Variants in SLC24A3 observed in about 807,000 individuals in gnomAD.
SLC24A3 encodes the protein solute carrier family 24 member 3.
Under a neutral mutation model 75.8 loss-of-function variants are expected in SLC24A3, and 28 were observed. That is an observed-to-expected ratio of 0.37 (90% CI 0.27 to 0.51). The LOEUF (loss-of-function observed/expected upper bound fraction) is 0.51. SLC24A3 is among the 20% of genes least tolerant of loss of function. SLC24A3 has a pLI of 0.94. For missense variants in SLC24A3, 663 were observed against 847.8 expected (o/e 0.78, Z 2.71); for synonymous variants, 372 against 334.1 (o/e 1.11, Z -1.24).
chr20:19,450,497 C>T (rs892955701), intron 2 of SLC24A3, among the ~76,000 whole-genome samples: 2 of 152,128 alleles, frequency 1.3e-5, no homozygotes, highest in African/African-American at 2.4e-5. Context: ...TGCAACGTCA[C>T]GTGTCATGTT....
intron 2 of SLC24A3, among the ~76,000 whole-genome samples, chr20:19,307,290 A>AC (rs535701934): frequency 6.3e-4 from 96 of 152,050 alleles, no homozygotes; most frequent in Middle Eastern, 3.4e-3. Context: ...ATCAATGGTC[A>AC]CCCCCCTTTG....
At chr20:19,298,908 G>A (rs1984125428) in intron 2 of SLC24A3, among the ~76,000 whole-genome samples, 1 of 152,180 alleles carries the variant, frequency 6.6e-6, no homozygotes, top group Non-Finnish European at 1.5e-5. Context: ...CATGGGTTGG[G>A]GGCTGTTCCC....
intron 2 of SLC24A3, among the ~76,000 whole-genome samples, chr20:19,372,470 A>G (rs555929204): frequency 6.6e-6 from 1 of 152,302 alleles, no homozygotes; most frequent in African/African-American, 2.4e-5. Context: ...AAATTGAAAA[A>G]CAGGAGAAAA....
chr20:19,290,520 A>C (rs1453011726), intron 2 of SLC24A3, among the ~76,000 whole-genome samples: 3 of 152,184 alleles, frequency 2.0e-5, no homozygotes, highest in Non-Finnish European at 4.4e-5. Context: ...GTGAGGCTAG[A>C]GTGAGAAAAT....
At chr20:19,420,584 C>A (rs1986901421) in intron 2 of SLC24A3, among the ~76,000 whole-genome samples, 1 of 100,480 alleles carries the variant, frequency 1.0e-5, no homozygotes, top group Non-Finnish European at 1.9e-5. Context: ...TGAAAATGGC[C>A]ATACTGCCAT....
At chr20:19,577,115 C>T (rs57365002) in intron 3 of SLC24A3, among the ~76,000 whole-genome samples, 4,823 of 151,340 alleles carry the variant, frequency 0.032, 130 homozygotes, top group South Asian at 0.091. Context: ...AGTGCAGTGG[C>T]GCGATCTCGG....
intron 1 of SLC24A3, among the ~76,000 whole-genome samples, chr20:19,275,114 A>C (rs1427287449): frequency 6.6e-6 from 1 of 152,230 alleles, no homozygotes; most frequent in Admixed American, 6.5e-5. Context: ...GTTTTCAAAA[A>C]GAAAAGCAGT....
intron 1 of SLC24A3, among the ~76,000 whole-genome samples, chr20:19,214,285 T>A (rs899162089): frequency 5.9e-5 from 9 of 152,128 alleles, no homozygotes; most frequent in African/African-American, 1.9e-4. Context: ...GGATCTCAGA[T>A]CCCGTAGCCT....
At chr20:19,228,499 C>T (rs1028095109) in intron 1 of SLC24A3, among the ~76,000 whole-genome samples, 6 of 151,900 alleles carry the variant, frequency 3.9e-5, no homozygotes, top group Admixed American at 1.3e-4. Context: ...ATTAGCCGGG[C>T]GTGGGCGTGG....
At chr20:19,718,865 T>C (rs1286422658) in intron 16 of SLC24A3, among the ~76,000 whole-genome samples, 2 of 152,146 alleles carry the variant, frequency 1.3e-5, no homozygotes, top group East Asian at 1.9e-4. Flanking sequence ...ATAGTGTAGA[T>C]GGTATTTAAA....
At chr20:19,389,063 A>G (rs1247832133) in intron 2 of SLC24A3, among the ~76,000 whole-genome samples, 2 of 152,108 alleles carry the variant, frequency 1.3e-5, no homozygotes, top group South Asian at 2.1e-4. Context: ...TTATTGCAGT[A>G]TATTTTAATC....
At chr20:19,645,970 A>G (rs896345241) in intron 6 of SLC24A3, among the ~76,000 whole-genome samples, 2 of 152,116 alleles carry the variant, frequency 1.3e-5, no homozygotes, top group African/African-American at 4.8e-5. Flanking sequence ...TGGGAGGATC[A>G]CCTGAGCTTG....
intron 6 of SLC24A3, among the ~76,000 whole-genome samples, chr20:19,623,494 G>A (rs1375007765): frequency 1.3e-5 from 2 of 152,142 alleles, no homozygotes; most frequent in Admixed American, 1.3e-4. Context: ...AGAATGTATT[G>A]GGGTTGGCCA....
In SLC24A3 at chr20:19,303,407, A is replaced by T. The variant is rs575561639; in HGVS notation, c.271+22320A>T. Among the ~76,000 whole-genome samples, 11 of 152,238 alleles carry T rather than the reference A, an allele frequency of 7.2e-5. No individual in the cohort carries two copies. The East Asian group carries it at 2.1e-3, about 29-fold the overall frequency. On this transcript the variant is annotated intron_variant, in intron 2 of 16. Transcript: ENST00000328041. ...GTGCCACATTTTCTTTAACCAGTCT[A>T]CCGTTGATGGGCATTTAGGTTGATT...
rs1229264755 is a variant in SLC24A3 at position 19,720,311 on chromosome 20, C to T, written c.1786-680C>T. 4.6e-5 allele frequency among the ~76,000 whole-genome samples: 7 copies of T among 152,142 alleles called. No individual in the cohort carries two copies. The East Asian group carries it at 1.4e-3, about 29-fold the overall frequency. ...TTGATGGGGCAGGGTGTTGGAAAGA[C>T]CCTCTCCCCTCTGGAGGCATTGAAA... On this transcript the variant is annotated intron_variant, in intron 16 of 16. Coordinates refer to ENST00000328041, the MANE Select transcript of SLC24A3 (RefSeq NM_020689.4).
intron 1 of SLC24A3, among the ~76,000 whole-genome samples, chr20:19,220,654 A>G (rs1981683033): frequency 6.6e-6 from 1 of 152,212 alleles, no homozygotes; most frequent in South Asian, 2.1e-4. Context: ...GCAGATAAAG[A>G]TGTTGGAATG....
chr20:19,659,139 C>CG (rs1365663279), intron 7 of SLC24A3, among the ~76,000 whole-genome samples: 1 of 152,206 alleles, frequency 6.6e-6, no homozygotes, highest in Non-Finnish European at 1.5e-5. Context: ...TCCCAGGTAA[C>CG]GTGGGCCAGC....
At chr20:19,619,715 G>T (rs904129945) in intron 6 of SLC24A3, among the ~76,000 whole-genome samples, 2 of 152,152 alleles carry the variant, frequency 1.3e-5, no homozygotes, top group African/African-American at 4.8e-5. Flanking sequence ...CTATGATTAT[G>T]AGCTCTACAT....
At chr20:19,675,007 G>GC (rs1232610114) in intron 9 of SLC24A3, among the ~76,000 whole-genome samples, 3 of 152,260 alleles carry the variant, frequency 2.0e-5, no homozygotes, top group Non-Finnish European at 4.4e-5. Context: ...CTGAGATCGC[G>GC]CCACCACTCC....
Sources: gnomAD v4.1 joint callset for allele counts (sites outside exome capture counted in the v4.1 genomes callset) on GRCh38, gnomAD v4.1.1 for gene constraint, MANE v1.5 for transcripts, NCBI Gene and HGNC (gene_info 2026-07-23, HGNC 2026-07-21) for gene names.